CUX2: variants seen among roughly 807,000 people sequenced by gnomAD.
CUX2 encodes homeobox protein cut-like 2.
CUX2 carries 40 observed loss-of-function variants against 144.8 expected under a neutral mutation model. The ratio of observed to expected loss-of-function variants is 0.28; its 90% CI spans 0.21 to 0.36. CUX2 has a LOEUF of 0.36. Ranked by LOEUF, CUX2 falls within the 10% of genes least tolerant of loss-of-function variation. CUX2 has a pLI of 1.00. For missense variants in CUX2, 1,615 were observed against 1,994.0 expected (o/e 0.81, Z 3.62); for synonymous variants, 827 against 875.6 (o/e 0.94, Z 0.98).
intron 1 of CUX2, among the ~76,000 whole-genome samples, chr12:111,196,428 T>A (rs1170736112): frequency 6.6e-6 from 1 of 152,228 alleles, no homozygotes; most frequent in African/African-American, 2.4e-5. Context: ...CCAAACTGTT[T>A]TTCTGAAGTG....
At chr12:111,237,172 TA>T (rs1241429892) in intron 3 of CUX2, among the ~76,000 whole-genome samples, 1 of 151,952 alleles carries the variant, frequency 6.6e-6, no homozygotes, top group East Asian at 1.9e-4. Flanking sequence ...AAAATAAAAA[TA>T]AAAGAGGCAA....
chr12:111,124,884 A>T (rs1874946766), intron 1 of CUX2, among the ~76,000 whole-genome samples: 1 of 152,174 alleles, frequency 6.6e-6, no homozygotes, highest in Non-Finnish European at 1.5e-5. Flanking sequence ...ACAGGTGAGA[A>T]CATGCGGTAT....
rs1244909259 is a variant in CUX2 at position 111,289,062 on chromosome 12, G to T, written c.302-2356G>T. 3.9e-5 allele frequency among the ~76,000 whole-genome samples: 6 copies of T among 151,960 alleles called. No homozygotes were observed. Among genetic ancestry groups the T allele is most frequent in the Admixed American group, 3.9e-4 (6 of 15,246 alleles). ...AGCTTGAACATGGGAGGCAGAGATT[G>T]CAATGAGCTGAGATCACGCCACTGC... On this transcript the variant is annotated intron_variant, in intron 4 of 21. Transcript: ENST00000261726. This position sits in a 1 kb window ranked among gnomAD's most constrained non-coding sequence, Gnocchi z 4.1.
In CUX2 at chr12:111,034,704, G is replaced by C. The variant is rs1869330538; in HGVS notation, c.63+464G>C. 6.6e-6 allele frequency among the ~76,000 whole-genome samples: 1 copy of C among 151,684 alleles called. No homozygotes were observed. The highest frequency in any genetic ancestry group is 1.5e-5 in the Non-Finnish European group (1 of 67,846). On this transcript the variant is annotated intron_variant, in intron 1 of 21. Transcript: ENST00000261726. The surrounding 1 kb of genome is among the most constrained non-coding windows in gnomAD (Gnocchi z 4.2). ...GCTCCGGCGAGGGAGGGAGGGAGCT[G>C]GCGGGCAGGGAGGAGGAGGAGGAGA...
At position 111,037,782 on chromosome 12, in the gene CUX2, CTT is replaced by C. The variant is rs941223545; in HGVS notation, c.63+3552_63+3553del. ...TTTTCTTTTTCTGCTTAACTTTCTA[CTT>C]TTTTTTTTTACCATGCTCTGGGTCC... On this transcript the variant is annotated intron_variant, in intron 1 of 21. Transcript: ENST00000261726. This position sits in a 1 kb window ranked among gnomAD's most constrained non-coding sequence, Gnocchi z 5.4. 6.8e-6 allele frequency among the ~76,000 whole-genome samples: 1 copy of C among 147,786 alleles called. No homozygotes were observed. The highest frequency in any genetic ancestry group is 6.7e-5 in the Admixed American group (1 of 14,824).
intron 4 of CUX2, among the ~76,000 whole-genome samples, chr12:111,282,861 T>G (rs1416208960): frequency 1.3e-5 from 2 of 151,986 alleles, no homozygotes; most frequent in Admixed American, 1.3e-4. Context: ...TAAATTAATG[T>G]CCGCACCTCC....
intron 1 of CUX2, among the ~76,000 whole-genome samples, chr12:111,188,627 G>C (rs558007449): frequency 6.6e-6 from 1 of 152,198 alleles, no homozygotes; most frequent in African/African-American, 2.4e-5. Context: ...AGAGTGGTTG[G>C]AACCCAGAGA....
At chr12:111,070,693 A>T (rs903669411) in intron 1 of CUX2, among the ~76,000 whole-genome samples, 3 of 152,126 alleles carry the variant, frequency 2.0e-5, no homozygotes, top group African/African-American at 7.2e-5. Flanking sequence ...ATAATGACAT[A>T]TATCTGCCAT....
At chr12:111,301,794 G>A (rs1310947991) in intron 9 of CUX2, among the ~76,000 whole-genome samples, 2 of 152,202 alleles carry the variant, frequency 1.3e-5, no homozygotes, top group African/African-American at 4.8e-5. Context: ...CCCAGCCCCA[G>A]CTAATTGCTT....
At position 111,322,358 on chromosome 12, in the gene CUX2, A is replaced by C; in HGVS notation, c.2767-63A>C. On this transcript the variant is annotated intron_variant, in intron 17 of 21. Coordinates refer to ENST00000261726, the MANE Select transcript of CUX2 (RefSeq NM_015267.4). This position sits in a 1 kb window ranked among gnomAD's most constrained non-coding sequence, Gnocchi z 4.2. ...AAAAAAAAAAAAGGTTGGGGAGGAG[A>C]GTGAGGGCCAGGCCCATGTCCCAGG... 7 of 924,172 alleles carry C rather than the reference A, an allele frequency of 7.6e-6. No homozygotes were observed. The highest frequency in any genetic ancestry group is 9.4e-6 in the Non-Finnish European group (6 of 637,858). 57.2% of individuals were successfully genotyped at this position (924,172 alleles called of 1,614,324 possible).
At chr12:111,271,897 A>G (rs571555874) in intron 4 of CUX2, among the ~76,000 whole-genome samples, 1 of 152,266 alleles carries the variant, frequency 6.6e-6, no homozygotes, top group Non-Finnish European at 1.5e-5. Context: ...CATGTTTCAT[A>G]TATTCTCCCC....
Position 111,094,377 on chromosome 12 carries a change from C to G in CUX2, c.63+60137C>G, listed in dbSNP as rs562977156. On this transcript the variant is annotated intron_variant, in intron 1 of 21. Coordinates refer to ENST00000261726, the MANE Select transcript of CUX2 (RefSeq NM_015267.4). ...CGGGCAGAGGGAGGCAAGGGTCATG[C>G]TGGAAGCCTGGTTTTCCTGCCAGGT... 2.8e-4 allele frequency among the ~76,000 whole-genome samples: 43 copies of G among 152,308 alleles called. 1 individual carries two copies. The highest frequency in any genetic ancestry group is 2.5e-3 in the Admixed American group (39 of 15,302).
chr12:111,153,278 G>A (rs1235461810), intron 1 of CUX2, among the ~76,000 whole-genome samples: 1 of 152,162 alleles, frequency 6.6e-6, no homozygotes, highest in African/African-American at 2.4e-5. Flanking sequence ...TGATAAGCCA[G>A]GCACTGTTCT....
At chr12:111,262,703 T>A (rs931630849) in intron 3 of CUX2, among the ~76,000 whole-genome samples, 8 of 152,192 alleles carry the variant, frequency 5.3e-5, no homozygotes, top group African/African-American at 1.9e-4. Flanking sequence ...TTTAATCACT[T>A]TAATCACCAA....
At chr12:111,095,462 G>GA (rs891524560) in intron 1 of CUX2, among the ~76,000 whole-genome samples, 62 of 150,382 alleles carry the variant, frequency 4.1e-4, no homozygotes, top group South Asian at 2.1e-4. Context: ...CTATCTCAAA[G>GA]AAAAAAAAAT....
chr12:111,161,647 G>T (rs78574408), intron 1 of CUX2, among the ~76,000 whole-genome samples: 1,655 of 152,342 alleles, frequency 0.011, 28 homozygotes, highest in African/African-American at 0.038. Context: ...GTATGGTGTA[G>T]ACAGGACTGA....
At position 111,349,781 on chromosome 12, in the gene CUX2, A is replaced by G. The variant is rs1343381619; in HGVS notation, c.*1456A>G. 1 of 152,144 alleles carries G rather than the reference A, an allele frequency of 6.6e-6. No individual in the cohort carries two copies. Among genetic ancestry groups the G allele is most frequent in the Non-Finnish European group, 1.5e-5 (1 of 68,014 alleles). 9.4% of individuals were successfully genotyped at this position (152,144 alleles called of 1,614,324 possible). ...GTTTTTATTACGTTTCCTTTTTCAA[A>G]CTGTCCATGGGAAGGCTGAATTGAG... is the stretch of plus-strand genomic sequence containing the variant. On this transcript the variant is annotated 3_prime_UTR_variant, in exon 22 of 22. Coordinates refer to ENST00000261726, the MANE Select transcript of CUX2 (RefSeq NM_015267.4).
In CUX2 at chr12:111,171,969, A is replaced by T. The variant is rs907924684; in HGVS notation, c.64-42231A>T. On this transcript the variant is annotated intron_variant, in intron 1 of 21. Transcript: ENST00000261726. This position sits in a 1 kb window ranked among gnomAD's most constrained non-coding sequence, Gnocchi z 5.0. ...CGTGCGTGTGTGTGCGTGCATGTGCATGCACCTGTGTGTGTGTGCATGTGC... is the reference window on the plus strand; with the variant it reads ...CGTGCGTGTGTGTGCGTGCATGTGCTTGCACCTGTGTGTGTGTGCATGTGC... Among the ~76,000 whole-genome samples, 3 of 151,362 alleles carry T rather than the reference A, an allele frequency of 2.0e-5. No individual in the cohort carries two copies. Among genetic ancestry groups the T allele is most frequent in the Non-Finnish European group, 4.4e-5 (3 of 67,838 alleles).
Sources: gnomAD v4.1 joint callset for allele counts (sites outside exome capture counted in the v4.1 genomes callset) on GRCh38, gnomAD v4.1.1 for gene constraint, Gnocchi (gnomAD v3.1) non-coding constraint, MANE v1.5 for transcripts, NCBI Gene and HGNC (gene_info 2026-07-23, HGNC 2026-07-21) for gene names.